The following DCC variants were observed in gnomAD, a reference collection of about 807,000 sequenced individuals.
DCC encodes DCC netrin 1 receptor, also known as netrin receptor DCC.
In DCC, 58 loss-of-function variants were observed where a neutral mutation model predicts 172.5. That is an observed-to-expected ratio of 0.34 (90% CI 0.27 to 0.42). The LOEUF (loss-of-function observed/expected upper bound fraction) is 0.42. DCC is among the 10% of genes least tolerant of loss of function. DCC has a pLI of 1.00. For missense variants in DCC, 1,740 were observed against 1,791.0 expected (o/e 0.97, Z 0.51); for synonymous variants, 709 against 644.5 (o/e 1.10, Z -1.52).
At chr18:52,642,342 G>T (rs1483624998) in intron 1 of DCC, among the ~76,000 whole-genome samples, 1 of 151,854 alleles carries the variant, frequency 6.6e-6, no homozygotes, top group East Asian at 1.9e-4. Context: ...AGGGGGGCAA[G>T]GGATAGAAGA....
intron 8 of DCC, among the ~76,000 whole-genome samples, chr18:53,161,577 C>T (rs955963678): frequency 3.3e-5 from 5 of 152,122 alleles, no homozygotes; most frequent in South Asian, 2.1e-4. Context: ...CTCATATACA[C>T]GTCTTCCTAC....
chr18:53,375,616 C>CCTTT lies in DCC; in HGVS notation c.2360-10427_2360-10426insCTTT, dbSNP rs1555660825. On this transcript the variant is annotated intron_variant, in intron 15 of 28. Transcript: ENST00000442544. ...CAATGTTACCACCTTATATTTAATT[C>CCTTT]TTTTTTTTTTTTTTTTTTTGAGAAA... is the stretch of plus-strand genomic sequence containing the variant. 4.6e-4 allele frequency among the ~76,000 whole-genome samples: 56 copies of CCTTT among 123,052 alleles called. 1 individual carries two copies. The highest frequency in any genetic ancestry group is 1.9e-3 in the Admixed American group (24 of 12,752). 80.7% of individuals were successfully genotyped at this position (123,052 alleles called of 152,430 possible).
rs374129823 is a variant in DCC, at chr18:52,783,323, C to CTTTTTTTTTTTTTTTTTTTTT, written c.412+30967_412+30987dup. Among the ~76,000 whole-genome samples the CTTTTTTTTTTTTTTTTTTTTT allele has an allele frequency of 1.3e-4, 8 of 59,260 alleles. 3 individuals are homozygous for CTTTTTTTTTTTTTTTTTTTTT. The highest frequency in any genetic ancestry group is 1.1e-4 in the Non-Finnish European group (4 of 35,232). The allele number at this position is 59,260 out of a possible 152,430, so 38.9% of individuals were successfully genotyped here. ...ACTAAAAATAATTTATACTACTACTCTTTTTTTTTTTTTTTTTTTTTTTTT... is the reference window on the plus strand; with the variant it reads ...ACTAAAAATAATTTATACTACTACTCTTTTTTTTTTTTTTTTTTTTTTTTTTTTTTTTTTTTTTTTTTTTTT... On this transcript the variant is annotated intron_variant, in intron 2 of 28. Coordinates refer to ENST00000442544, the MANE Select transcript of DCC (RefSeq NM_005215.4).
chr18:53,481,110 G>A (rs1234185393), intron 25 of DCC: 3 of 152,184 alleles, frequency 2.0e-5, no homozygotes, highest in Admixed American at 6.6e-5. Context: ...GAGAAAAACA[G>A]AGTGAGCATG....
At chr18:52,367,831 A>C (rs1984947678) in intron 1 of DCC, among the ~76,000 whole-genome samples, 1 of 152,226 alleles carries the variant, frequency 6.6e-6, no homozygotes, top group African/African-American at 2.4e-5. Flanking sequence ...CAAGTCTGCA[A>C]GTGTGATGGT....
intron 1 of DCC, among the ~76,000 whole-genome samples, chr18:52,455,774 A>T (rs1431447199): frequency 6.6e-6 from 1 of 152,222 alleles, no homozygotes; most frequent in Non-Finnish European, 1.5e-5. Flanking sequence ...AAATATAGCA[A>T]GTACTGTGTA....
intron 1 of DCC, among the ~76,000 whole-genome samples, chr18:52,737,771 A>G (rs1018322507): frequency 3.9e-5 from 6 of 152,174 alleles, no homozygotes; most frequent in African/African-American, 1.2e-4. Flanking sequence ...ATAAGTGTGA[A>G]TGAATGAATA....
chr18:53,036,864 C>A (rs1476886570), intron 5 of DCC, among the ~76,000 whole-genome samples: 1 of 151,920 alleles, frequency 6.6e-6, no homozygotes, highest in African/African-American at 2.4e-5. Context: ...TTCTTTCAGG[C>A]ATTGCTTTCC....
chr18:53,187,429 C>G (rs1052666699), intron 9 of DCC, among the ~76,000 whole-genome samples: 1 of 151,988 alleles, frequency 6.6e-6, no homozygotes, highest in African/African-American at 2.4e-5. Context: ...GCTCTATTTC[C>G]TTTTTTTAAC....
intron 5 of DCC, among the ~76,000 whole-genome samples, chr18:52,965,661 A>C (rs2040917548): frequency 6.6e-6 from 1 of 152,122 alleles, no homozygotes; most frequent in Non-Finnish European, 1.5e-5. Flanking sequence ...TTAAAGCTTA[A>C]TTTTTTTAAG....
rs17755413 is a variant in DCC, at chr18:52,588,800, A to T, written c.92-163254A>T. Among the ~76,000 whole-genome samples the T allele has an allele frequency of 2.6e-3, 389 of 152,246 alleles. 14 individuals are homozygous for T. In the East Asian group the frequency reaches 0.068, roughly 27 times the overall value. On this transcript the variant is annotated intron_variant, in intron 1 of 28. Transcript: ENST00000442544. Reference sequence around the variant, plus strand: ...CAAGTCTTAGACCATTTCCTGACTGAGTTTTCATCTTAAAAGCAGTGAGAA... The same window carrying T: ...CAAGTCTTAGACCATTTCCTGACTGTGTTTTCATCTTAAAAGCAGTGAGAA...
intron 7 of DCC, among the ~76,000 whole-genome samples, chr18:53,110,693 A>T (rs9748494): frequency 0.15 from 21,081 of 142,100 alleles, 1,937 homozygotes; most frequent in African/African-American, 0.26. Context: ...TCAAAACCAC[A>T]ATGAGATACC....
chr18:53,498,560 G>GGA (rs1289320909), intron 26 of DCC, among the ~76,000 whole-genome samples: 37 of 30,178 alleles, frequency 1.2e-3, no homozygotes, highest in Non-Finnish European at 2.5e-3. Context: ...TGTGTTCTCT[G>GGA]GAAAAAAAAA....
At chr18:52,994,531 CAGTGTG>C (rs2041449113) in intron 5 of DCC, among the ~76,000 whole-genome samples, 3 of 152,086 alleles carry the variant, frequency 2.0e-5, no homozygotes, top group African/African-American at 7.2e-5. Context: ...TTCAGTGAGT[CAGTGTG>C]TTATGTAAAC....
At chr18:52,677,209 A>G (rs2035660409) in intron 1 of DCC, among the ~76,000 whole-genome samples, 2 of 152,190 alleles carry the variant, frequency 1.3e-5, no homozygotes, top group Non-Finnish European at 2.9e-5. Context: ...AATCATAAAT[A>G]TTGTCCATTC....
chr18:52,833,840 T>TAAAA (rs1568132966), intron 2 of DCC, among the ~76,000 whole-genome samples: 1 of 151,046 alleles, frequency 6.6e-6, no homozygotes, highest in African/African-American at 2.5e-5. Flanking sequence ...AAAAAAAATT[T>TAAAA]TTTTGTAGAG....
chr18:52,672,870 C>G lies in DCC; in HGVS notation c.92-79184C>G, dbSNP rs1203042182. On this transcript the variant is annotated intron_variant, in intron 1 of 28. Coordinates refer to ENST00000442544, the MANE Select transcript of DCC (RefSeq NM_005215.4). ...ATCACTTTGGCAAAGAGTTTAAGAC[C>G]AGCCTGGGCAACATAGCAAGATCCC... Among the ~76,000 whole-genome samples, 3 of 152,132 alleles carry G rather than the reference C, an allele frequency of 2.0e-5. No homozygotes were observed. In the South Asian group the frequency reaches 6.2e-4, roughly 32 times the overall value.
intron 7 of DCC, among the ~76,000 whole-genome samples, chr18:53,080,239 C>T (rs1189920856): frequency 6.6e-6 from 1 of 151,988 alleles, no homozygotes; most frequent in African/African-American, 2.4e-5. Context: ...GGGGCTGTTT[C>T]CTAAATTCTT....
intron 1 of DCC, among the ~76,000 whole-genome samples, chr18:52,349,763 TC>T (rs1435989152): frequency 6.6e-6 from 1 of 152,170 alleles, no homozygotes; most frequent in Admixed American, 6.5e-5. Context: ...CACTCTCGCC[TC>T]CCCATTTGGT....
Sources: allele counts gnomAD v4.1 joint callset (sites outside exome capture counted in the v4.1 genomes callset), GRCh38; gene constraint gnomAD v4.1.1; transcripts MANE v1.5; gene names NCBI Gene and HGNC (gene_info 2026-07-23, HGNC 2026-07-21).